PLEKHD1: variants seen among roughly 807,000 people sequenced by gnomAD.
PLEKHD1 encodes pleckstrin homology and coiled-coil domain containing D1.
PLEKHD1 carries 51 observed loss-of-function variants against 69.2 expected under a neutral mutation model. That is an observed-to-expected ratio of 0.74 (90% CI 0.59 to 0.93). The LOEUF (loss-of-function observed/expected upper bound fraction) is 0.93. Ranked by LOEUF, PLEKHD1 falls within the 40% of genes least tolerant of loss-of-function variation. PLEKHD1 has a pLI of 0.00. For synonymous variants in PLEKHD1, 236 were observed against 244.7 expected (o/e 0.96, Z 0.33); for missense variants, 584 against 641.0 (o/e 0.91, Z 0.96).
chr14:69,500,788 G>C, intron 3 of PLEKHD1, 83 bp from the exon 4 acceptor site: 1 of 1,521,682 alleles, frequency 6.6e-7, no homozygotes, highest in Non-Finnish European at 8.9e-7. Flanking sequence ...GGGATGTGGG[G>C]TGGGTGACAG....
At chr14:69,506,613 G>A (rs1389587256) in intron 6 of PLEKHD1, among the ~76,000 whole-genome samples, 1 of 152,198 alleles carries the variant, frequency 6.6e-6, no homozygotes, top group Admixed American at 6.5e-5. Flanking sequence ...AAACTACGCA[G>A]CAAATACAGA....
chr14:69,498,576 G>T (rs1467977937), intron 1 of PLEKHD1, among the ~76,000 whole-genome samples: 1 of 117,994 alleles, frequency 8.5e-6, no homozygotes, highest in Non-Finnish European at 1.9e-5. Flanking sequence ...CACCAGCAAG[G>T]TTTCTTTTTG....
In PLEKHD1 at chr14:69,486,012, G is replaced by A. The variant is rs188183502; in HGVS notation, c.149+898G>A. On this transcript the variant is annotated intron_variant, in intron 1 of 12. Transcript: ENST00000322564. ...TCCCAACTGGCTGCAGGTGCTGTGG[G>A]CCATTTTCTGGACAGTTTCCACTCT... 1.0e-3 allele frequency among the ~76,000 whole-genome samples: 152 copies of A among 152,326 alleles called. 2 individuals carry two copies. Among genetic ancestry groups the A allele is most frequent in the Admixed American group, 9.9e-3 (151 of 15,298 alleles).
In PLEKHD1 at chr14:69,488,868, G is replaced by T. The variant is rs75037472; in HGVS notation, c.149+3754G>T. 1.9e-3 allele frequency among the ~76,000 whole-genome samples: 288 copies of T among 152,304 alleles called. 11 individuals are homozygous for T. The East Asian group carries it at 0.05, about 27-fold the overall frequency. On this transcript the variant is annotated intron_variant, in intron 1 of 12. Transcript: ENST00000322564. ...TGAGGCACAGAGGCAGGGGGAAGGTGCCTTTTCTGAGTCTCCTCAGATTCC... is the reference window on the plus strand; with the variant it reads ...TGAGGCACAGAGGCAGGGGGAAGGTTCCTTTTCTGAGTCTCCTCAGATTCC...
rs532761177 is a variant in PLEKHD1, at chr14:69,501,328, A to G, written c.410+381A>G. ...TCTCCTGCCAACCCAGTCCATTTTTATGTAAACCACTGTCCTGACACCTGC... is the reference window on the plus strand; with the variant it reads ...TCTCCTGCCAACCCAGTCCATTTTTGTGTAAACCACTGTCCTGACACCTGC... On this transcript the variant is annotated intron_variant, in intron 4 of 12. Transcript: ENST00000322564. The G allele has an allele frequency of 2.7e-3, 956 of 350,996 alleles. 3 individuals carry two copies. The highest frequency in any genetic ancestry group is 4.0e-3 in the Non-Finnish European group (756 of 188,252). 21.7% of individuals were successfully genotyped at this position (350,996 alleles called of 1,614,324 possible). A position where few individuals can be genotyped will look rare whatever the true frequency, so the allele number is the denominator to read the frequency against.
At chr14:69,468,709 C>G in the PLEKHD1 span, among the ~76,000 whole-genome samples, 1 of 151,186 alleles carries the variant, frequency 6.6e-6, no homozygotes, top group Non-Finnish European at 1.5e-5. Context: ...TCCTCCTGAG[C>G]AGCCAGGACT....
At chr14:69,500,233 C>A (rs1235400933) in intron 2 of PLEKHD1, 25 bp downstream of exon 2, 1 of 1,496,528 alleles carries the variant, frequency 6.7e-7, no homozygotes, top group African/African-American at 1.4e-5. Context: ...CCCAGGGCCA[C>A]AGCAGGGGAG....
intron 6 of PLEKHD1, among the ~76,000 whole-genome samples, chr14:69,515,694 A>T (rs1391610675): frequency 6.6e-6 from 1 of 152,140 alleles, no homozygotes. Flanking sequence ...AGCAAGAGAG[A>T]GAGCATGGGC....
chr14:69,524,910 T>A (rs1260676923), intron 8 of PLEKHD1, among the ~76,000 whole-genome samples: 2 of 152,146 alleles, frequency 1.3e-5, no homozygotes, highest in East Asian at 3.9e-4. Context: ...CAACCCCTGC[T>A]CCAAACCGCG....
chr14:69,475,631 G>A, the PLEKHD1 span, among the ~76,000 whole-genome samples: 1 of 152,206 alleles, frequency 6.6e-6, no homozygotes, highest in African/African-American at 2.4e-5. Context: ...TTTGAAGCGG[G>A]GGCCTGCTTA....
At chr14:69,476,395 TC>T in the PLEKHD1 span, among the ~76,000 whole-genome samples, 1 of 151,146 alleles carries the variant, frequency 6.6e-6, no homozygotes. Flanking sequence ...AGGCCCTATT[TC>T]AAAAAAAAAA....
At chr14:69,500,510 G>A in intron 2 of PLEKHD1, 67 bp from the exon 3 acceptor site, 2 of 1,365,886 alleles carry the variant, frequency 1.5e-6, no homozygotes, top group Non-Finnish European at 2.0e-6. Context: ...TTGTCCAGGG[G>A]CCCCCAGAAC....
At chr14:69,487,956 C>T (rs1882690503) in intron 1 of PLEKHD1, among the ~76,000 whole-genome samples, 1 of 152,182 alleles carries the variant, frequency 6.6e-6, no homozygotes, top group Non-Finnish European at 1.5e-5. Context: ...CCCTGCTGAA[C>T]ACTTCCCAAG....
Position 69,500,146 on chromosome 14 carries a change from T to C in PLEKHD1, c.181T>C (p.Tyr61His), listed in dbSNP as rs1882989961. 6.4e-7 allele frequency: 1 copy of C among 1,550,612 alleles called. No individual in the cohort carries two copies. The stretch of plus-strand genomic sequence containing the variant: ...CATCATCAAAGAGAGCTTTCTGCTT[T>C]ACTACTCTGAGAGCGAAAAAAAGAG... ...FFIIKESFLL[Y>H]YSESEKKSFE... is the part of the protein sequence containing the mutation. The change falls in exon 2 of 13, where the codon TAC (tyrosine) becomes CAC (histidine). Residue 61 changes from tyrosine (Y) to histidine (H), a missense_variant. Physicochemically the swap from Tyr to His is moderately conservative, Grantham distance 83. Coordinates refer to ENST00000322564, the MANE Select transcript of PLEKHD1 (RefSeq NM_001161498.2).
At chr14:69,517,113 T>C (rs1406624299) in intron 6 of PLEKHD1, among the ~76,000 whole-genome samples, 1 of 139,276 alleles carries the variant, frequency 7.2e-6, no homozygotes, top group Non-Finnish European at 1.5e-5. Context: ...AGAAGTTGCC[T>C]GGCAGGTTCT....
At chr14:69,502,705 C>T (rs1883056980) in intron 5 of PLEKHD1, 122 bp from the exon 6 acceptor site, 2 of 1,284,786 alleles carry the variant, frequency 1.6e-6, no homozygotes, top group Admixed American at 2.1e-5. Context: ...GGCAGGGCTG[C>T]AGGCCCCTTC....
intron 1 of PLEKHD1, among the ~76,000 whole-genome samples, chr14:69,486,637 A>G (rs1882661246): frequency 6.6e-6 from 1 of 152,110 alleles, no homozygotes; most frequent in South Asian, 2.1e-4. Context: ...TTTCTTTTCT[A>G]TTGGGTCTGG....
the PLEKHD1 span, among the ~76,000 whole-genome samples, chr14:69,471,090 C>CTTTTT: frequency 4.5e-4 from 20 of 44,750 alleles, 2 homozygotes; most frequent in African/African-American, 5.1e-4. Context: ...CGTGCCTGGC[C>CTTTTT]TTTTTTTTTT....
At chr14:69,501,407 T>C (rs986668422) in intron 4 of PLEKHD1, 3 of 322,856 alleles carry the variant, frequency 9.3e-6, no homozygotes, top group Non-Finnish European at 1.7e-5. Flanking sequence ...GTGTGCTCTG[T>C]GGCAGGCCTT....
Sources: allele counts gnomAD v4.1 joint callset (sites outside exome capture counted in the v4.1 genomes callset), GRCh38; gene constraint gnomAD v4.1.1; transcripts MANE v1.5; gene names NCBI Gene and HGNC (gene_info 2026-07-23, HGNC 2026-07-21).